ARPC2: variants seen among roughly 807,000 people sequenced by gnomAD.
ARPC2 encodes actin related protein 2/3 complex subunit 2, also known as actin-related protein 2/3 complex subunit 2.
A neutral mutation model predicts 38.6 loss-of-function variants in ARPC2; 4 were observed. That is an observed-to-expected ratio of 0.10 (90% CI 0.05 to 0.24). The LOEUF is 0.24. Among genes scored for constraint, ARPC2 ranks in the 10% least tolerant of loss-of-function variants. The pLI is 1.00. For missense variants in ARPC2, 229 were observed against 387.3 expected, an observed-to-expected ratio of 0.59 and a Z score of 3.43; for synonymous variants, 125 against 140.8, an observed-to-expected ratio of 0.89 and a Z score of 0.79.
In ARPC2 at chr2:218,245,437, C is replaced by T; in HGVS notation, c.567C>T (p.Arg189=). ...KVFMQEFKEG[R]RASHTAPQVL... ...CTTGGCAGGAGTTCAAAGAAGGACG[C>T]AGAGCCAGCCACACAGCCCCACAGG... is the stretch of plus-strand genomic sequence containing the variant. Residue 189 remains arginine, a synonymous_variant, in exon 8 of 11, where the codon CGC becomes CGT. Coordinates refer to ENST00000315717, the MANE Select transcript of ARPC2 (RefSeq NM_152862.3). 1 of 1,614,154 alleles carries T rather than the reference C, an allele frequency of 6.2e-7. No individual in the cohort carries two copies. The highest frequency in any genetic ancestry group is 1.3e-5 in the African/African-American group (1 of 75,048).
At chr2:218,239,361 A>T in intron 6 of ARPC2, 30 bp from the exon 7 acceptor site, 2 of 1,511,820 alleles carry the variant, frequency 1.3e-6, no homozygotes, top group Non-Finnish European at 1.8e-6. Flanking sequence ...CTGATTCTGT[A>T]CTTATCCTCA....
rs55961828 is a variant in ARPC2, at chr2:218,228,712, C to G, written c.110-26C>G. 27 of 1,413,806 alleles carry G rather than the reference C, an allele frequency of 1.9e-5. No homozygotes were observed. The highest frequency in any genetic ancestry group is 1.8e-4 in the East Asian group (8 of 43,754). 87.6% of individuals were successfully genotyped at this position (1,413,806 alleles called of 1,614,324 possible). A position where few individuals can be genotyped will look rare whatever the true frequency, so the allele number is the denominator to read the frequency against. On this transcript the variant is annotated intron_variant, in intron 3 of 10. Transcript: ENST00000315717. ...ATTATTTCCCATTCCCAAATTGTTACGCAATCTTATTTGCTTTCCTCACAG... is the reference window on the plus strand; with the variant it reads ...ATTATTTCCCATTCCCAAATTGTTAGGCAATCTTATTTGCTTTCCTCACAG...
chr2:218,235,575 A>G (rs928319373), intron 5 of ARPC2: 2 of 152,068 alleles, frequency 1.3e-5, no homozygotes, highest in African/African-American at 4.8e-5. Flanking sequence ...ATAACACTGT[A>G]GGCTTTTGGC....
chr2:218,244,777 T>A lies in ARPC2; in HGVS notation c.550-643T>A, dbSNP rs552756887. 6.6e-5 allele frequency among the ~76,000 whole-genome samples: 10 copies of A among 152,366 alleles called. No homozygotes were observed. The East Asian group carries it at 1.9e-3, about 29-fold the overall frequency. On this transcript the variant is annotated intron_variant, in intron 7 of 10. Coordinates refer to ENST00000315717, the MANE Select transcript of ARPC2 (RefSeq NM_152862.3). ...AGAGTCCTTGGCAGCATCCTCCTGC[T>A]GTCTATCATCTTGGAAGGCCCACTT...
chr2:218,250,679 A>AT (rs1559484630), intron 10 of ARPC2, among the ~76,000 whole-genome samples: 1 of 150,116 alleles, frequency 6.7e-6, no homozygotes, highest in Non-Finnish European at 1.5e-5. Flanking sequence ...AAAAAAAAAA[A>AT]ATTTGAGGAG....
chr2:218,221,235 G>A (rs558414221), intron 2 of ARPC2, among the ~76,000 whole-genome samples: 10 of 152,222 alleles, frequency 6.6e-5, no homozygotes, highest in Non-Finnish European at 7.3e-5. Context: ...GGTTCCATGG[G>A]GGGGAGTGAA....
chr2:218,247,952 TAA>T (rs10716505), intron 8 of ARPC2, among the ~76,000 whole-genome samples: 332 of 145,310 alleles, frequency 2.3e-3, no homozygotes, highest in Admixed American at 3.9e-3. Context: ...CAAAAAAAAT[TAA>T]AAAAAAAAAA....
chr2:218,241,895 T>C (rs187863085), intron 7 of ARPC2, among the ~76,000 whole-genome samples: 30 of 152,322 alleles, frequency 2.0e-4, no homozygotes, highest in Middle Eastern at 3.4e-3. Context: ...TTGTTGGAAA[T>C]GACAATCGGA....
At chr2:218,240,401 C>T (rs758783387) in intron 7 of ARPC2, among the ~76,000 whole-genome samples, 3 of 152,204 alleles carry the variant, frequency 2.0e-5, no homozygotes, top group Admixed American at 1.3e-4. Context: ...CTAACCCTAA[C>T]CTCTTGTGTT....
chr2:218,252,799 G>T (rs114237203), intron 10 of ARPC2: 4,695 of 412,844 alleles, frequency 0.011, 217 homozygotes, highest in African/African-American at 0.088. Flanking sequence ...TCCCTGCCCA[G>T]TGAGTGCAGT....
intron 6 of ARPC2, 141 bp downstream of exon 6, chr2:218,238,991 T>A (rs927363456): frequency 8.6e-6 from 6 of 693,706 alleles, no homozygotes; most frequent in Non-Finnish European, 1.4e-5. Flanking sequence ...AGCCAGGAAG[T>A]AGATGATAGG....
At chr2:218,247,902 G>T (rs916839416) in intron 8 of ARPC2, among the ~76,000 whole-genome samples, 1 of 150,836 alleles carries the variant, frequency 6.6e-6, no homozygotes, top group African/African-American at 2.4e-5. Flanking sequence ...AAGATCACGC[G>T]ACTGCACTCC....
chr2:218,230,079 A>T (rs1425451477), intron 4 of ARPC2, among the ~76,000 whole-genome samples: 1 of 151,276 alleles, frequency 6.6e-6, no homozygotes, highest in African/African-American at 2.4e-5. Context: ...CAAGCAGTTC[A>T]TCTGCCTCAG....
In ARPC2 at chr2:218,238,159, C is replaced by T. The variant is rs72949337; in HGVS notation, c.269-505C>T. The stretch of plus-strand genomic sequence containing the variant: ...AGTTGGTTTTTCTACCCTGCCACCT[C>T]ATAAAGAGTTTGCAGTGGCACGTAG... On this transcript the variant is annotated intron_variant, in intron 5 of 10. Coordinates refer to ENST00000315717, the MANE Select transcript of ARPC2 (RefSeq NM_152862.3). Among the ~76,000 whole-genome samples the T allele has an allele frequency of 9.7e-3, 1,471 of 152,262 alleles. 13 individuals carry two copies. The highest frequency in any genetic ancestry group is 0.017 in the Non-Finnish European group (1,167 of 68,020).
intron 10 of ARPC2, among the ~76,000 whole-genome samples, chr2:218,250,651 AAGACTT>A (rs1369749766): frequency 6.9e-6 from 1 of 145,140 alleles, no homozygotes; most frequent in Non-Finnish European, 1.5e-5. Flanking sequence ...GCGACAGAGT[AAGACTT>A]AGTCTCAAAA....
At position 218,238,240 on chromosome 2, in the gene ARPC2, G is replaced by A. The variant is rs534489793; in HGVS notation, c.269-424G>A. Among the ~76,000 whole-genome samples the A allele has an allele frequency of 7.2e-5, 11 of 152,244 alleles. 1 individual carries two copies. The South Asian group carries it at 2.1e-3, about 29-fold the overall frequency. Reference sequence around the variant, plus strand: ...CATTTGCTGGCCATACTGATACTTGGCACATTAAACTATCAGAGAAATATA... The same window carrying A: ...CATTTGCTGGCCATACTGATACTTGACACATTAAACTATCAGAGAAATATA... On this transcript the variant is annotated intron_variant, in intron 5 of 10. Coordinates refer to ENST00000315717, the MANE Select transcript of ARPC2 (RefSeq NM_152862.3).
chr2:218,237,515 C>T (rs1029466546), intron 5 of ARPC2, among the ~76,000 whole-genome samples: 4 of 150,810 alleles, frequency 2.7e-5, no homozygotes, highest in Admixed American at 6.6e-5. Context: ...ACCTGCCCCC[C>T]ACCACCAATT....
At chr2:218,247,587 C>G (rs1690071629) in intron 8 of ARPC2, among the ~76,000 whole-genome samples, 1 of 152,158 alleles carries the variant, frequency 6.6e-6, no homozygotes, top group Non-Finnish European at 1.5e-5. Context: ...CCTCAGCTTC[C>G]CAGGTAGCTG....
chr2:218,249,505 C>T, intron 9 of ARPC2, 41 bp downstream of exon 9: 1 of 1,447,466 alleles, frequency 6.9e-7, no homozygotes. Flanking sequence ...TGCTCTGGGT[C>T]TTTTCCTCCA....
Sources: allele counts gnomAD v4.1 joint callset (sites outside exome capture counted in the v4.1 genomes callset), GRCh38; gene constraint gnomAD v4.1.1; transcripts MANE v1.5; gene names NCBI Gene and HGNC (gene_info 2026-07-23, HGNC 2026-07-21).